Variants in TUSC3 observed in about 807,000 individuals in gnomAD.
TUSC3 encodes the protein dolichyl-diphosphooligosaccharide--protein glycosyltransferase subunit TUSC3.
A neutral mutation model predicts 44.8 loss-of-function variants in TUSC3; 45 were observed. The observed-to-expected ratio is 1.00, with a 90% CI of 0.79 to 1.29. TUSC3 has a LOEUF of 1.29. TUSC3 is among the 50% of genes most tolerant of loss of function. The probability of loss-of-function intolerance (pLI) is 0.00; values close to 1 mark genes in which losing one functional copy is unlikely to be tolerated. For missense variants in TUSC3, 519 were observed against 437.9 expected (o/e 1.19, Z -1.65); for synonymous variants, 212 against 152.9 (o/e 1.39, Z -2.85).
At chr8:15,831,871 C>T in the TUSC3 span, among the ~76,000 whole-genome samples, 6 of 152,104 alleles carry the variant, frequency 3.9e-5, no homozygotes, top group Non-Finnish European at 8.8e-5. Context: ...AAACATACTG[C>T]AGGATATTAT....
chr8:15,643,662 C>G (rs754149496), intron 2 of TUSC3, among the ~76,000 whole-genome samples: 1 of 152,094 alleles, frequency 6.6e-6, no homozygotes, highest in South Asian at 2.1e-4. Context: ...ATTATTCAGT[C>G]AATTACAATA....
the TUSC3 span, among the ~76,000 whole-genome samples, chr8:15,801,564 CGTAAATGTGATGGCTCAGT>C: frequency 6.6e-6 from 1 of 151,782 alleles, no homozygotes; most frequent in Non-Finnish European, 1.5e-5. Flanking sequence ...TGTGTTTTTT[CGTAAATGTGATGGCTCAGT>C]GTCTGTGGAT....
chr8:15,821,813 G>C, the TUSC3 span, among the ~76,000 whole-genome samples: 1 of 151,996 alleles, frequency 6.6e-6, no homozygotes, highest in Non-Finnish European at 1.5e-5. Flanking sequence ...AATTTTTATT[G>C]TAATTAGCAA....
intron 1 of TUSC3, among the ~76,000 whole-genome samples, chr8:15,477,339 A>G (rs1264529455): frequency 6.6e-6 from 1 of 152,208 alleles, no homozygotes; most frequent in Admixed American, 6.5e-5. Flanking sequence ...CTAATATCAA[A>G]CACTTAGTGT....
chr8:15,424,332 C>G (rs1799778310), intron 1 of TUSC3, among the ~76,000 whole-genome samples: 1 of 152,028 alleles, frequency 6.6e-6, no homozygotes. Flanking sequence ...AACTCTAGAA[C>G]AACCTGGAGC....
rs534045860 is a variant in TUSC3 at position 15,514,012 on chromosome 8, G to T, written n.189+30529G>T. 1.6e-4 allele frequency among the ~76,000 whole-genome samples: 25 copies of T among 152,120 alleles called. 1 individual carries two copies. In the South Asian group the frequency reaches 4.8e-3, roughly 29 times the overall value. ...TACATACAATAAAGCCCCTCTTACA[G>T]CCTAAAGGAACATAACCAGTACTTT... is the stretch of plus-strand genomic sequence containing the variant. On this transcript the variant is annotated intron_variant and non_coding_transcript_variant, in intron 2 of 5. Transcript: ENST00000503191.
At chr8:15,838,576 G>A in the TUSC3 span, among the ~76,000 whole-genome samples, 21 of 152,250 alleles carry the variant, frequency 1.4e-4, no homozygotes, top group Non-Finnish European at 2.8e-4. Context: ...AAACTCAGGA[G>A]CTAGCCAGTT....
At chr8:15,588,178 C>T (rs1323989283) in intron 1 of TUSC3, among the ~76,000 whole-genome samples, 1 of 152,096 alleles carries the variant, frequency 6.6e-6, no homozygotes, top group African/African-American at 2.4e-5. Context: ...TACATTTCCA[C>T]CAGCAGTGTA....
At chr8:15,524,858 G>C (rs1297184731) in intron 2 of TUSC3, among the ~76,000 whole-genome samples, 1 of 152,172 alleles carries the variant, frequency 6.6e-6, no homozygotes, top group Non-Finnish European at 1.5e-5. Context: ...TATTAAGCCA[G>C]ACATTGGCAA....
intron 2 of TUSC3, among the ~76,000 whole-genome samples, chr8:15,639,763 T>C (rs1345276058): frequency 6.8e-6 from 1 of 146,306 alleles, no homozygotes; most frequent in Non-Finnish European, 1.5e-5. Context: ...AAATAATTTC[T>C]CTTAGATGCA....
intron 1 of TUSC3, among the ~76,000 whole-genome samples, chr8:15,447,224 T>G (rs953750823): frequency 3.3e-5 from 5 of 152,220 alleles, no homozygotes; most frequent in Middle Eastern, 6.8e-3. Flanking sequence ...ACAACTACTA[T>G]CATATTTGAA....
the TUSC3 span, among the ~76,000 whole-genome samples, chr8:15,843,311 G>C: frequency 1.3e-5 from 2 of 152,058 alleles, no homozygotes; most frequent in African/African-American, 4.8e-5. Flanking sequence ...GGTCAGATAC[G>C]TTTGGAAAAG....
intron 7 of TUSC3, among the ~76,000 whole-genome samples, chr8:15,731,060 C>G (rs1490403823): frequency 6.6e-6 from 1 of 151,856 alleles, no homozygotes; most frequent in East Asian, 1.9e-4. Context: ...AAAAAAGTGC[C>G]TTATGATATA....
At chr8:15,801,642 C>A in the TUSC3 span, among the ~76,000 whole-genome samples, 1 of 152,024 alleles carries the variant, frequency 6.6e-6, no homozygotes, top group Non-Finnish European at 1.5e-5. Flanking sequence ...GATCAAAAAC[C>A]CAGAGAAGCA....
intron 2 of TUSC3, among the ~76,000 whole-genome samples, chr8:15,528,238 G>A (rs1419493466): frequency 6.6e-6 from 1 of 152,012 alleles, no homozygotes; most frequent in Non-Finnish European, 1.5e-5. Context: ...AAATGACAAG[G>A]TTAAAATTAA....
intron 5 of TUSC3, among the ~76,000 whole-genome samples, chr8:15,667,994 T>C (rs754974950): frequency 6.6e-6 from 1 of 151,736 alleles, no homozygotes; most frequent in Non-Finnish European, 1.5e-5. Context: ...CACAGGGCTA[T>C]GGCAACCTCT....
rs1217574680 is a variant in TUSC3 at position 15,549,301 on chromosome 8, G to T, written c.138+8733G>T. ...TGATTCTCCTGCCTCAGCCACCTGA[G>T]GAGCTGGGATTACAGGCGCACGCCA... is the stretch of plus-strand genomic sequence containing the variant. On this transcript the variant is annotated intron_variant, in intron 1 of 10. Transcript: ENST00000503731. 1.3e-5 allele frequency among the ~76,000 whole-genome samples: 2 copies of T among 151,690 alleles called. 1 individual carries two copies. The highest frequency in any genetic ancestry group is 3.9e-4 in the East Asian group (2 of 5,120).
At chr8:15,696,068 C>T (rs1311035232) in intron 6 of TUSC3, among the ~76,000 whole-genome samples, 1 of 152,132 alleles carries the variant, frequency 6.6e-6, no homozygotes, top group Non-Finnish European at 1.5e-5. Context: ...TAATGAGGAG[C>T]TGAATGTTAA....
intron 1 of TUSC3, among the ~76,000 whole-genome samples, chr8:15,461,817 G>T (rs1373644455): frequency 6.6e-6 from 1 of 151,332 alleles, no homozygotes; most frequent in African/African-American, 2.4e-5. Flanking sequence ...AAAAATAAAA[G>T]ATTTGTATAT....
Sources: allele counts gnomAD v4.1 joint callset (sites outside exome capture counted in the v4.1 genomes callset), GRCh38; gene constraint gnomAD v4.1.1; transcripts MANE v1.5; gene names NCBI Gene and HGNC (gene_info 2026-07-23, HGNC 2026-07-21).